The following WSB2 variants were observed in gnomAD, a reference collection of about 807,000 sequenced individuals.
WSB2 encodes WD repeat and SOCS box containing 2, also known as WD repeat and SOCS box-containing protein 2.
WSB2 carries 12 observed loss-of-function variants against 48.8 expected under a neutral mutation model. The ratio of observed to expected loss-of-function variants is 0.25; its 90% confidence interval spans 0.16 to 0.40. WSB2 has a LOEUF of 0.40. WSB2 is among the 10% of genes least tolerant of loss of function. WSB2 has a pLI of 1.00. For synonymous variants in WSB2, 191 were observed against 203.1 expected (o/e 0.94, Z 0.51); for missense variants, 317 against 506.2 (o/e 0.63, Z 3.59).
At chr12:118,058,364 T>C (rs1353799146) in intron 1 of WSB2, among the ~76,000 whole-genome samples, 3 of 152,116 alleles carry the variant, frequency 2.0e-5, no homozygotes, top group African/African-American at 7.2e-5. Context: ...TTTATTTTTT[T>C]TGAGACAGGG....
chr12:118,057,707 G>C (rs980821563), intron 1 of WSB2, among the ~76,000 whole-genome samples: 1 of 151,750 alleles, frequency 6.6e-6, no homozygotes, highest in Non-Finnish European at 1.5e-5. Flanking sequence ...ACTTATTTTT[G>C]TGTGGTGAGA....
At chr12:118,038,473 C>A (rs899602661) in intron 4 of WSB2, 85 bp from the exon 5 acceptor site, 8 of 1,306,482 alleles carry the variant, frequency 6.1e-6, no homozygotes, top group Non-Finnish European at 7.5e-6. Context: ...TGGTAACAGC[C>A]CCCAGCCCAG....
At chr12:118,052,936 A>G (rs1204234560) in intron 1 of WSB2, among the ~76,000 whole-genome samples, 14 of 152,162 alleles carry the variant, frequency 9.2e-5, no homozygotes, top group Non-Finnish European at 1.5e-5. Flanking sequence ...CCTCCCCATC[A>G]TCAAGGCTAA....
Position 118,033,888 on chromosome 12 carries a change from A to T in WSB2, c.*308T>A, listed in dbSNP as rs1242469554. ...TTAGTTGCATAATCAAAACAACATC[A>T]GTAACTGCACTTTGAATCAAAACAA... is the stretch of plus-strand genomic sequence containing the variant. On this transcript the variant is annotated 3_prime_UTR_variant, in exon 9 of 9. Coordinates refer to ENST00000315436, the MANE Select transcript of WSB2 (RefSeq NM_018639.5). The T allele has an allele frequency of 5.9e-6, 2 of 340,116 alleles. No individual in the cohort carries two copies. Among genetic ancestry groups the T allele is most frequent in the Non-Finnish European group, 1.1e-5 (2 of 179,982 alleles). The allele number at this position is 340,116 out of a possible 1,614,324, so 21.1% of individuals were successfully genotyped here. A position where few individuals can be genotyped will look rare whatever the true frequency, so the allele number is the denominator to read the frequency against.
Position 118,034,885 on chromosome 12 carries a change from C to T in WSB2, c.1052+101G>A, listed in dbSNP as rs1259461771. ...TAATCTTGAATTGCCTTAAAGCTTT[C>T]CTCATAGGCAAGAAAATTCTAGATG... On this transcript the variant is annotated intron_variant, in intron 8 of 8. Transcript: ENST00000315436. 2.7e-6 allele frequency: 3 copies of T among 1,130,518 alleles called. No homozygotes were observed. The African/African-American group carries it at 4.7e-5, about 18-fold the overall frequency. 70.0% of individuals were successfully genotyped at this position (1,130,518 alleles called of 1,614,324 possible).
Position 118,034,185 on chromosome 12 carries a change from TGTG to T in WSB2, c.*8_*10del, listed in dbSNP as rs1566134506. 3.1e-6 allele frequency: 5 copies of T among 1,614,034 alleles called. No homozygotes were observed. Among genetic ancestry groups the T allele is most frequent in the South Asian group, 1.1e-5 (1 of 91,080 alleles). ...TACCCTGCTACAAAGAAGCACAAGA[TGTG>T]GTGTTGCTTAAAAAGTCCTGTATGT... On this transcript the variant is annotated 3_prime_UTR_variant, in exon 9 of 9. Transcript: ENST00000315436.
intron 1 of WSB2, among the ~76,000 whole-genome samples, chr12:118,056,054 C>T (rs928527093): frequency 3.3e-5 from 5 of 152,082 alleles, no homozygotes; most frequent in Non-Finnish European, 5.9e-5. Flanking sequence ...AGTAGGCAAC[C>T]TTCCAGCTGC....
chr12:118,055,774 C>T (rs2137798353), intron 1 of WSB2, among the ~76,000 whole-genome samples: 1 of 151,774 alleles, frequency 6.6e-6, no homozygotes, highest in Admixed American at 6.6e-5. Flanking sequence ...ACCACCACAC[C>T]CAGCTAATTT....
intron 6 of WSB2, 73 bp downstream of exon 6, chr12:118,036,265 G>A: frequency 6.6e-7 from 1 of 1,508,892 alleles, no homozygotes; most frequent in South Asian, 1.3e-5. Context: ...TTCTAAAAGA[G>A]ACATGTCTAA....
At chr12:118,034,581 CTG>C (rs1491209551) in intron 8 of WSB2, 14 of 531,622 alleles carry the variant, frequency 2.6e-5, no homozygotes, top group African/African-American at 2.1e-4. Flanking sequence ...AGCGCTCTCT[CTG>C]TCTCTCTCTC....
rs2031415285 is a variant in WSB2 at position 118,033,310 on chromosome 12, ATTC to A, written c.*883_*885del. Reference sequence around the variant, plus strand: ...ATCAGCTAAAGTCATGACTACACCAATTCTTTACACAATTAAGACATCTTTGCA... The same window carrying A: ...ATCAGCTAAAGTCATGACTACACCAATTTACACAATTAAGACATCTTTGCA... On this transcript the variant is annotated 3_prime_UTR_variant, in exon 9 of 9. Coordinates refer to ENST00000315436, the MANE Select transcript of WSB2 (RefSeq NM_018639.5). The A allele has an allele frequency of 6.6e-6, 1 of 152,614 alleles. No homozygotes were observed. Among genetic ancestry groups the A allele is most frequent in the Non-Finnish European group, 1.5e-5 (1 of 68,036 alleles). The allele number at this position is 152,614 out of a possible 1,614,324, so 9.5% of individuals were successfully genotyped here.
chr12:118,039,849 T>C (rs906128896), intron 4 of WSB2, among the ~76,000 whole-genome samples: 1 of 151,748 alleles, frequency 6.6e-6, no homozygotes, highest in African/African-American at 2.4e-5. Context: ...GTTCAAGCGA[T>C]TCTCCTGCCT....
intron 4 of WSB2, among the ~76,000 whole-genome samples, chr12:118,039,426 G>A (rs1428203392): frequency 3.3e-5 from 5 of 152,132 alleles, no homozygotes; most frequent in Non-Finnish European, 7.3e-5. Context: ...CGAGATGCAG[G>A]GAAAAATCGT....
chr12:118,047,776 A>T (rs1312801501), intron 2 of WSB2, among the ~76,000 whole-genome samples: 1 of 152,230 alleles, frequency 6.6e-6, no homozygotes, highest in Non-Finnish European at 1.5e-5. Flanking sequence ...GTAGCGAAAC[A>T]TGGGAGAAAT....
chr12:118,049,029 G>A (rs1320993275), intron 2 of WSB2, among the ~76,000 whole-genome samples: 1 of 152,190 alleles, frequency 6.6e-6, no homozygotes, highest in East Asian at 1.9e-4. Context: ...GAAAACAAGA[G>A]TGATTTTCAG....
At chr12:118,050,791 C>G (rs564181159) in intron 2 of WSB2, among the ~76,000 whole-genome samples, 7 of 152,170 alleles carry the variant, frequency 4.6e-5, no homozygotes, top group Non-Finnish European at 1.0e-4. Context: ...GTGGCTCACA[C>G]CTGTAATCCC....
In WSB2 at chr12:118,043,213, G is replaced by C. The variant is rs374539278; in HGVS notation, c.347C>G (p.Pro116Arg). The part of the protein sequence containing the change: ...PSRKLWARHH[P>R]QVPDVSCLVL... ...CAGGCAAGAGACATCGGGCACTTGGGGGTGGTGGCGTGCCCAGAGCTTCCT... is the reference window on the plus strand; with the variant it reads ...CAGGCAAGAGACATCGGGCACTTGGCGGTGGTGGCGTGCCCAGAGCTTCCT... Residue 116 changes from proline to arginine, a missense_variant, in exon 3 of 9, where the codon CCC becomes CGC. This residue lies in a region of WSB2 where 128 missense variants were observed against 156.7 expected (regional missense o/e 0.82). Transcript: ENST00000315436. The C allele has an allele frequency of 1.9e-5, 30 of 1,614,092 alleles. No individual in the cohort carries two copies. Among genetic ancestry groups the C allele is most frequent in the Non-Finnish European group, 2.5e-5 (30 of 1,180,042 alleles).
At position 118,034,017 on chromosome 12, in the gene WSB2, A is replaced by G. The variant is rs1001032612; in HGVS notation, c.*179T>C. The G allele has an allele frequency of 1.2e-6, 1 of 804,540 alleles. No individual in the cohort carries two copies. Among genetic ancestry groups the G allele is most frequent in the Non-Finnish European group, 2.0e-6 (1 of 512,050 alleles). The allele number at this position is 804,540 out of a possible 1,614,324, so 49.8% of individuals were successfully genotyped here. A position where few individuals can be genotyped will look rare whatever the true frequency, so the allele number is the denominator to read the frequency against. On this transcript the variant is annotated 3_prime_UTR_variant, in exon 9 of 9. Coordinates refer to ENST00000315436, the MANE Select transcript of WSB2 (RefSeq NM_018639.5). ...CTCTTCCTCTAAGACTGACTTTCAC[A>G]TGCCAGGGAGAGAAAGATCCATGAC...
intron 1 of WSB2, among the ~76,000 whole-genome samples, chr12:118,055,550 T>C (rs2031940299): frequency 1.3e-5 from 2 of 151,564 alleles, no homozygotes; most frequent in South Asian, 4.2e-4. Context: ...GATGAAAATG[T>C]CTTTTTTTTT....
Sources: allele counts gnomAD v4.1 joint callset (sites outside exome capture counted in the v4.1 genomes callset), GRCh38; gene constraint gnomAD v4.1.1; regional missense constraint gnomAD v4.1.1; transcripts MANE v1.5; gene names NCBI Gene and HGNC (gene_info 2026-07-23, HGNC 2026-07-21).